PRKCA: variants seen among roughly 807,000 people sequenced by gnomAD.
PRKCA encodes the protein protein kinase C alpha, also known as protein kinase C alpha type.
Under a neutral mutation model 87.0 loss-of-function variants are expected in PRKCA, and 27 were observed. The observed-to-expected ratio is 0.31, with a 90% CI of 0.23 to 0.43. The LOEUF is 0.43. Among genes scored for constraint, PRKCA ranks in the 20% least tolerant of loss-of-function variants. PRKCA has a pLI of 1.00. For missense variants in PRKCA, 518 were observed against 852.3 expected, an observed-to-expected ratio of 0.61 and a Z score of 4.88; for synonymous variants, 329 against 311.1, an observed-to-expected ratio of 1.06 and a Z score of -0.61.
At chr17:66,774,828 T>C in intron 14 of PRKCA, 3 of 985,386 alleles carry the variant, frequency 3.0e-6, no homozygotes, top group Non-Finnish European at 3.6e-6. Flanking sequence ...TCTCCTCCTA[T>C]CTCACCCTTG....
intron 14 of PRKCA, chr17:66,775,346 C>G (rs1217887273): frequency 1.0e-6 from 1 of 985,134 alleles, no homozygotes; most frequent in Admixed American, 6.1e-5. Flanking sequence ...AGATCAGTTA[C>G]ATAGGATATC....
chr17:66,333,678 C>T (rs1292138129), intron 2 of PRKCA, among the ~76,000 whole-genome samples: 2 of 152,050 alleles, frequency 1.3e-5, no homozygotes, highest in African/African-American at 4.8e-5. Flanking sequence ...TAAGTCCTGG[C>T]CTTTGCAGTT....
At chr17:66,477,517 C>T (rs1159820837) in intron 2 of PRKCA, among the ~76,000 whole-genome samples, 10 of 151,976 alleles carry the variant, frequency 6.6e-5, no homozygotes, top group South Asian at 2.1e-4. Context: ...CTGGCCAACA[C>T]GGTGAAACCC....
At chr17:66,755,121 A>G (rs1974518876) in intron 13 of PRKCA, among the ~76,000 whole-genome samples, 1 of 152,186 alleles carries the variant, frequency 6.6e-6, no homozygotes. Flanking sequence ...AAAGAGATTC[A>G]TCCCAAACAA....
At chr17:66,471,645 A>ATTTTTTTTT in intron 2 of PRKCA, among the ~76,000 whole-genome samples, 1 of 137,884 alleles carries the variant, frequency 7.3e-6, no homozygotes, top group Non-Finnish European at 1.6e-5. Flanking sequence ...CTGTTTTCTA[A>ATTTTTTTTT]TTTTTTTTTT....
chr17:66,634,186 A>C (rs1971094356), intron 3 of PRKCA, among the ~76,000 whole-genome samples: 1 of 152,236 alleles, frequency 6.6e-6, no homozygotes, highest in African/African-American at 2.4e-5. Context: ...TTTCAATAGA[A>C]TTTGAATTTT....
chr17:66,608,506 A>AT (rs1439426601), intron 3 of PRKCA, among the ~76,000 whole-genome samples: 17 of 152,258 alleles, frequency 1.1e-4, no homozygotes, highest in Admixed American at 1.1e-3. Context: ...ATTCATTTTT[A>AT]TTTTTTCACA....
intron 2 of PRKCA, among the ~76,000 whole-genome samples, chr17:66,471,955 C>T (rs962024044): frequency 6.6e-6 from 1 of 152,052 alleles, no homozygotes; most frequent in South Asian, 2.1e-4. Flanking sequence ...TCAGTTTGAT[C>T]AAGTTTAATT....
At chr17:66,762,213 C>A (rs1276792462) in intron 13 of PRKCA, among the ~76,000 whole-genome samples, 1 of 152,212 alleles carries the variant, frequency 6.6e-6, no homozygotes, top group African/African-American at 2.4e-5. Context: ...TCCTCTGTCC[C>A]CCTCTGAGCC....
intron 8 of PRKCA, among the ~76,000 whole-genome samples, chr17:66,731,217 G>A (rs988606536): frequency 2.6e-5 from 4 of 152,102 alleles, no homozygotes; most frequent in African/African-American, 9.7e-5. Context: ...GCCATGCATG[G>A]TGGCGAATCC....
At chr17:66,557,561 A>T (rs1232248995) in intron 3 of PRKCA, among the ~76,000 whole-genome samples, 1 of 152,150 alleles carries the variant, frequency 6.6e-6, no homozygotes, top group East Asian at 1.9e-4. Flanking sequence ...TGTTGGTGCA[A>T]CTGCTCTCTC....
chr17:66,798,474 T>TGAC (rs1975744340), intron 16 of PRKCA, among the ~76,000 whole-genome samples: 2 of 84,202 alleles, frequency 2.4e-5, no homozygotes, highest in Non-Finnish European at 4.6e-5. Flanking sequence ...GTGGTGGTGG[T>TGAC]GGTGGTGGTG....
chr17:66,479,386 A>G (rs1364550721), intron 2 of PRKCA, among the ~76,000 whole-genome samples: 1 of 152,228 alleles, frequency 6.6e-6, no homozygotes, highest in Admixed American at 6.5e-5. Context: ...AGAAAAAGGA[A>G]CACTTTTACA....
chr17:66,707,152 C>T (rs1160471334), intron 8 of PRKCA, among the ~76,000 whole-genome samples: 2 of 152,156 alleles, frequency 1.3e-5, no homozygotes, highest in African/African-American at 2.4e-5. Flanking sequence ...CATGCTTGTG[C>T]TCCTTGGAAA....
At chr17:66,411,363 T>C (rs897661478) in intron 2 of PRKCA, among the ~76,000 whole-genome samples, 2 of 151,942 alleles carry the variant, frequency 1.3e-5, no homozygotes, top group Non-Finnish European at 2.9e-5. Context: ...CGCGCAGCCA[T>C]GCTTGCAAAT....
In PRKCA at chr17:66,807,796, C is replaced by G. The variant is rs888171829; in HGVS notation, c.*3759C>G. 6.6e-6 allele frequency: 1 copy of G among 152,198 alleles called. No individual in the cohort carries two copies. Among genetic ancestry groups the G allele is most frequent in the East Asian group, 1.9e-4 (1 of 5,194 alleles). The allele number at this position is 152,198 out of a possible 1,614,324, so 9.4% of individuals were successfully genotyped here. A position where few individuals can be genotyped will look rare whatever the true frequency, so the allele number is the denominator to read the frequency against. ...GGAGGATGCAGACTTCCAGAGAGCC[C>G]CCCCAACGGACGTGCTGAGAAGGGA... On this transcript the variant is annotated 3_prime_UTR_variant, in exon 17 of 17. Coordinates refer to ENST00000413366, the MANE Select transcript of PRKCA (RefSeq NM_002737.3). This position sits in a 1 kb window ranked among gnomAD's most constrained non-coding sequence, Gnocchi z 4.3.
At chr17:66,552,955 A>G (rs1481350941) in intron 3 of PRKCA, among the ~76,000 whole-genome samples, 1 of 152,046 alleles carries the variant, frequency 6.6e-6, no homozygotes, top group African/African-American at 2.4e-5. Flanking sequence ...GACAGCTAGA[A>G]GAACTACATT....
At chr17:66,504,624 G>A (rs1425929710) in intron 3 of PRKCA, among the ~76,000 whole-genome samples, 1 of 152,126 alleles carries the variant, frequency 6.6e-6, no homozygotes, top group Admixed American at 6.6e-5. Flanking sequence ...ATTGCACAGG[G>A]TAGGTGCCAT....
At chr17:66,710,235 G>A (rs1431035719) in intron 8 of PRKCA, among the ~76,000 whole-genome samples, 1 of 151,784 alleles carries the variant, frequency 6.6e-6, no homozygotes, top group Admixed American at 6.6e-5. Context: ...AGAGTGCACT[G>A]GAAGGTTCAC....
Sources: gnomAD v4.1 joint callset for allele counts (sites outside exome capture counted in the v4.1 genomes callset) on GRCh38, gnomAD v4.1.1 for gene constraint, Gnocchi (gnomAD v3.1) non-coding constraint, MANE v1.5 for transcripts, NCBI Gene and HGNC (gene_info 2026-07-23, HGNC 2026-07-21) for gene names.